Variants in TLR1 observed in about 807,000 individuals in gnomAD.
TLR1 encodes the protein toll like receptor 1, also known as toll-like receptor 1.
TLR1 carries 19 observed loss-of-function variants against 20.2 expected under a neutral mutation model. The ratio of observed to expected loss-of-function variants is 0.94; its 90% CI spans 0.66 to 1.38. TLR1 has a LOEUF of 1.38. Ranked by LOEUF, TLR1 falls within the 40% of genes most tolerant of loss-of-function variation. TLR1 has a pLI of 0.00. For synonymous variants in TLR1, 320 were observed against 334.5 expected, an observed-to-expected ratio of 0.96 and a Z score of 0.47; for missense variants, 921 against 910.0, an observed-to-expected ratio of 1.01 and a Z score of -0.16.
chr4:38,798,911 T>A lies in TLR1; in HGVS notation c.-67-13A>T, dbSNP rs1726432091. On this transcript the variant is annotated splice_polypyrimidine_tract_variant and intron_variant, in intron 3 of 3. Transcript: ENST00000308979. ...ACAGATACAGATTCTAGAAAAAAAA[T>A]AATGAAATGATGAAATACATTACAT... 3 of 1,139,628 alleles carry A rather than the reference T, an allele frequency of 2.6e-6. No homozygotes were observed. The highest frequency in any genetic ancestry group is 1.6e-5 in the African/African-American group (1 of 64,040). The allele number at this position is 1,139,628 out of a possible 1,614,324, so 70.6% of individuals were successfully genotyped here.
At chr4:38,789,674 G>A (rs961042105), downstream of TLR1, among the ~76,000 whole-genome samples, 8 of 152,070 alleles carry the variant, frequency 5.3e-5, no homozygotes, top group Admixed American at 1.3e-4. Flanking sequence ...TGTTACCCAG[G>A]TTGGTCTTGA....
downstream of TLR1, among the ~76,000 whole-genome samples, chr4:38,792,002 C>T (rs1477158137): frequency 6.6e-6 from 1 of 152,138 alleles, no homozygotes; most frequent in African/African-American, 2.4e-5. Flanking sequence ...ATAGCCATGA[C>T]CCTGAGATAA....
In TLR1 at chr4:38,797,848, G is replaced by A; in HGVS notation, c.984C>T (p.Ile328=). The A allele has an allele frequency of 6.2e-7, 1 of 1,614,028 alleles. No homozygotes were observed. The highest frequency in any genetic ancestry group is 8.5e-7 in the Non-Finnish European group (1 of 1,179,884). Residue 328 remains isoleucine, a synonymous_variant, in exon 4 of 4, where the codon ATC becomes ATT. Coordinates refer to ENST00000308979, the MANE Select transcript of TLR1 (RefSeq NM_003263.4). The part of the protein sequence containing the change: ...YIYEIFSNMN[I]KNFTVSGTRM... ...GTGTACCAGACACTGTGAAATTTTT[G>A]ATGTTCATATTCGAAAAGATTTCAT... is the stretch of plus-strand genomic sequence containing the variant.
Position 38,796,768 on chromosome 4 carries a change from CT to C in TLR1, c.2063del (p.Glu688GlyfsTer39), listed in dbSNP as rs992723971. 31 of 1,614,078 alleles carry C rather than the reference CT, an allele frequency of 1.9e-5. No homozygotes were observed. Among genetic ancestry groups the C allele is most frequent in the Non-Finnish European group, 2.6e-5 (31 of 1,180,052 alleles). On this transcript the variant is annotated frameshift_variant, in exon 4 of 4. Transcript: ENST00000308979. LOFTEE classifies it high-confidence loss of function. ...AAACAAAGATGGACTTGTAACTCTTCTCAATGCAGGTGATGATATTTTCCAC... is the reference window on the plus strand; with the variant it reads ...AAACAAAGATGGACTTGTAACTCTTCCAATGCAGGTGATGATATTTTCCAC... ...SIVENIITCI[E>X]KSYKSIFVLS...
exon 4 of TLR1, chr4:38,791,219 A>G (rs1725709339): frequency 1.3e-5 from 2 of 152,198 alleles, no homozygotes; most frequent in Admixed American, 6.5e-5. Flanking sequence ...AATCCTCAGG[A>G]GGAACTGTTT....
chr4:38,798,908 A>C lies in TLR1; in HGVS notation c.-67-10T>G. The C allele has an allele frequency of 8.7e-7, 1 of 1,149,284 alleles. No individual in the cohort carries two copies. 71.2% of individuals were successfully genotyped at this position (1,149,284 alleles called of 1,614,324 possible). ...GATACAGATACAGATTCTAGAAAAAAAATAATGAAATGATGAAATACATTA... is the reference window on the plus strand; with the variant it reads ...GATACAGATACAGATTCTAGAAAAACAATAATGAAATGATGAAATACATTA... On this transcript the variant is annotated splice_polypyrimidine_tract_variant and intron_variant, in intron 3 of 3. Coordinates refer to ENST00000308979, the MANE Select transcript of TLR1 (RefSeq NM_003263.4).
intron 3 of TLR1, among the ~76,000 whole-genome samples, chr4:38,799,495 T>C (rs1726483068): frequency 6.6e-6 from 1 of 152,194 alleles, no homozygotes; most frequent in African/African-American, 2.4e-5. Context: ...TTTCGACTTC[T>C]GCTCTCCAGA....
intron 2 of TLR1, among the ~76,000 whole-genome samples, chr4:38,801,524 G>C (rs1726642579): frequency 6.6e-6 from 1 of 152,210 alleles, no homozygotes; most frequent in African/African-American, 2.4e-5. Context: ...AAAGTGGCCT[G>C]GTCTTAAGGC....
Position 38,797,752 on chromosome 4 carries a change from T to C in TLR1, c.1080A>G (p.Leu360=). Residue 360 remains leucine, a synonymous_variant, in exon 4 of 4, where the codon TTA becomes TTG. Transcript: ENST00000308979. ...FLHLDFSNNL[L]TDTVFENCGH... Reference sequence around the variant, plus strand: ...CACAATTTTCAAAAACCGTGTCTGTTAAGAGATTATTGGAAAAATCCAAAT... The same window carrying C: ...CACAATTTTCAAAAACCGTGTCTGTCAAGAGATTATTGGAAAAATCCAAAT... The C allele has an allele frequency of 1.2e-6, 2 of 1,614,104 alleles. No homozygotes were observed. The highest frequency in any genetic ancestry group is 2.2e-5 in the South Asian group (2 of 91,090).
At chr4:38,801,110 A>T (rs1726610434) in intron 2 of TLR1, among the ~76,000 whole-genome samples, 162 bp from the exon 3 acceptor site, 1 of 152,234 alleles carries the variant, frequency 6.6e-6, no homozygotes, top group African/African-American at 2.4e-5. Flanking sequence ...ATTTCAATGG[A>T]TGTTATAGCT....
chr4:38,789,389 T>G (rs1432294716), downstream of TLR1, among the ~76,000 whole-genome samples: 1 of 152,250 alleles, frequency 6.6e-6, no homozygotes, highest in Admixed American at 6.5e-5. Context: ...TGTTAAACAT[T>G]TACCAGCACA....
At position 38,797,022 on chromosome 4, in the gene TLR1, A is replaced by G; in HGVS notation, c.1810T>C (p.Leu604=). The change falls in exon 4 of 4, where the codon TTG becomes CTG. Residue 604 remains leucine (L), a synonymous_variant. Transcript: ENST00000308979. ...ATCCTGAGATACCAGGGCAGATCCA[A>G]GTAGCTGCAGAGGGAGGTCACAGTC... ...AVTVTSLCSY[L]DLPWYLRMVC... The G allele has an allele frequency of 1.2e-6, 2 of 1,614,194 alleles. No homozygotes were observed. The highest frequency in any genetic ancestry group is 1.7e-6 in the Non-Finnish European group (2 of 1,180,040).
downstream of TLR1, among the ~76,000 whole-genome samples, chr4:38,791,485 T>C (rs776401412): frequency 6.6e-6 from 1 of 152,252 alleles, no homozygotes; most frequent in South Asian, 2.1e-4. Flanking sequence ...TGATATTTGC[T>C]AACAGTTTAC....
At chr4:38,795,546 C>T (rs1725987052), downstream of TLR1, among the ~76,000 whole-genome samples, 2 of 152,190 alleles carry the variant, frequency 1.3e-5, no homozygotes, top group Non-Finnish European at 2.9e-5. Context: ...CATGTTAGTT[C>T]ATACAACCAG....
rs776535369 is a variant in TLR1, at chr4:38,798,773, T to A, written c.59A>T (p.Gln20Leu). The A allele has an allele frequency of 6.2e-7, 1 of 1,611,668 alleles. No individual in the cohort carries two copies. Among genetic ancestry groups the A allele is most frequent in the East Asian group, 2.2e-5 (1 of 44,856 alleles). Reference sequence around the variant, plus strand: ...TAAAAATTCACTTTCTTCAGATAATTGTATTCTGATCTGAAGTATTAACAT... The same window carrying A: ...TAAAAATTCACTTTCTTCAGATAATAGTATTCTGATCTGAAGTATTAACAT... ...IFMLILQIRI[Q>L]LSEESEFLVD... Residue 20 changes from glutamine to leucine, a missense_variant, in exon 4 of 4, where the codon CAA (glutamine) becomes CTA (leucine). Gln to Leu is a moderately radical substitution (Grantham distance 113). Coordinates refer to ENST00000308979, the MANE Select transcript of TLR1 (RefSeq NM_003263.4).
Position 38,796,646 on chromosome 4 carries a change from A to T in TLR1, c.2186T>A (p.Ile729Asn). 1.9e-6 allele frequency: 3 copies of T among 1,614,230 alleles called. No homozygotes were observed. The highest frequency in any genetic ancestry group is 2.5e-6 in the Non-Finnish European group (3 of 1,180,040). ...GTACTGCGGAATGGGTTCCAGCAAG[A>T]TCAGGATTAAGCTATTAGATCCTTC... ...FHEGSNSLIL[I>N]LLEPIPQYSI... The change falls in exon 4 of 4, where the codon ATC becomes AAC. Residue 729 changes from isoleucine to asparagine, a missense_variant. Ile to Asn is a moderately radical substitution (Grantham distance 149). Coordinates refer to ENST00000308979, the MANE Select transcript of TLR1 (RefSeq NM_003263.4).
Position 38,797,919 on chromosome 4 carries a change from G to T in TLR1, c.913C>A (p.His305Asn). The T allele has an allele frequency of 6.2e-7, 1 of 1,614,150 alleles. No homozygotes were observed. The highest frequency in any genetic ancestry group is 8.5e-7 in the Non-Finnish European group (1 of 1,180,020). The stretch of plus-strand genomic sequence containing the variant: ...CCGAACACATCGCTGACAACTTGGT[G>T]TATAGACAAGGCCTTCAAGGAAGTG... Reference protein sequence around the residue: ...SGTSLKALSIHQVVSDVFGFP... With the variant: ...SGTSLKALSINQVVSDVFGFP... The change falls in exon 4 of 4, where the codon CAC becomes AAC. Residue 305 changes from histidine to asparagine, a missense_variant. His to Asn is a moderately conservative substitution (Grantham distance 68, BLOSUM62 1). Coordinates refer to ENST00000308979, the MANE Select transcript of TLR1 (RefSeq NM_003263.4).
intron 2 of TLR1, among the ~76,000 whole-genome samples, chr4:38,802,854 C>G (rs1019126420): frequency 2.0e-5 from 3 of 152,180 alleles, no homozygotes; most frequent in Non-Finnish European, 4.4e-5. Flanking sequence ...ATAGCCATAA[C>G]ATAGGGAAGG....
chr4:38,796,364 C>T lies in TLR1; in HGVS notation c.*107G>A, dbSNP rs1244955071. 3 of 1,251,434 alleles carry T rather than the reference C, an allele frequency of 2.4e-6. No homozygotes were observed. Among genetic ancestry groups the T allele is most frequent in the Non-Finnish European group, 3.3e-6 (3 of 904,054 alleles). The allele number at this position is 1,251,434 out of a possible 1,614,324, so 77.5% of individuals were successfully genotyped here. ...GGTATATATTTTTACCTACATCATA[C>T]ACTCACAATTGTGTTTACATCTATG... On this transcript the variant is annotated 3_prime_UTR_variant, in exon 4 of 4. Transcript: ENST00000308979.
Sources: gnomAD v4.1 joint callset for allele counts (sites outside exome capture counted in the v4.1 genomes callset) on GRCh38, gnomAD v4.1.1 for gene constraint, MANE v1.5 for transcripts, NCBI Gene and HGNC (gene_info 2026-07-23, HGNC 2026-07-21) for gene names.